The following RNF150 variants were observed in gnomAD, a reference collection of about 807,000 sequenced individuals.
RNF150 encodes the protein ring finger protein 150.
Under a neutral mutation model 39.3 loss-of-function variants are expected in RNF150, and 24 were observed. The ratio of observed to expected loss-of-function variants is 0.61; its 90% CI spans 0.44 to 0.86. The LOEUF is 0.86. RNF150 is among the 40% of genes least tolerant of loss of function. RNF150 has a pLI of 0.00. For missense variants in RNF150, 502 were observed against 587.8 expected, an observed-to-expected ratio of 0.85 and a Z score of 1.51; for synonymous variants, 255 against 227.3, an observed-to-expected ratio of 1.12 and a Z score of -1.10.
At chr4:141,071,611 A>T (rs1275964349) in intron 1 of RNF150, among the ~76,000 whole-genome samples, 3 of 152,126 alleles carry the variant, frequency 2.0e-5, no homozygotes, top group African/African-American at 7.2e-5. Flanking sequence ...ACAAATCTAA[A>T]TACGTGGTTT....
chr4:141,212,623 G>A (rs1335164869), intron 1 of RNF150, among the ~76,000 whole-genome samples: 1 of 152,110 alleles, frequency 6.6e-6, no homozygotes, highest in South Asian at 2.1e-4. Flanking sequence ...TCTACACTGA[G>A]GCTGTTGTTC....
chr4:141,070,518 CT>C (rs1737651587), intron 1 of RNF150, among the ~76,000 whole-genome samples: 1 of 148,548 alleles, frequency 6.7e-6, no homozygotes. Context: ...CTACAATGAA[CT>C]CAAACAAATT....
intron 5 of RNF150, among the ~76,000 whole-genome samples, chr4:140,925,221 C>T (rs1731344342): frequency 6.6e-6 from 1 of 152,192 alleles, no homozygotes; most frequent in Non-Finnish European, 1.5e-5. Context: ...TTCCTGCCCT[C>T]ATTGCTGAGA....
intron 6 of RNF150, among the ~76,000 whole-genome samples, chr4:140,875,583 A>G (rs1729124728): frequency 6.6e-6 from 1 of 152,152 alleles, no homozygotes; most frequent in Non-Finnish European, 1.5e-5. Context: ...ATAGCTACAT[A>G]TAGGCCTTTT....
At chr4:140,903,963 G>A (rs1462926287) in intron 6 of RNF150, among the ~76,000 whole-genome samples, 1 of 152,262 alleles carries the variant, frequency 6.6e-6, no homozygotes, top group African/African-American at 2.4e-5. Context: ...AGCCCTGGCA[G>A]TCTCGCTTTG....
At chr4:141,044,793 A>ACG (rs1736505723) in intron 1 of RNF150, among the ~76,000 whole-genome samples, 1 of 149,758 alleles carries the variant, frequency 6.7e-6, no homozygotes, top group Non-Finnish European at 1.5e-5. Flanking sequence ...GCACACACAC[A>ACG]CACACAATTC....
At chr4:140,965,552 A>G (rs535142757) in intron 2 of RNF150, among the ~76,000 whole-genome samples, 4 of 152,142 alleles carry the variant, frequency 2.6e-5, no homozygotes, top group Non-Finnish European at 4.4e-5. Flanking sequence ...ATACACACAT[A>G]CAATGGATTA....
At chr4:140,997,697 T>C (rs1427174925) in intron 1 of RNF150, among the ~76,000 whole-genome samples, 1 of 143,674 alleles carries the variant, frequency 7.0e-6, no homozygotes, top group African/African-American at 2.6e-5. Flanking sequence ...CCTGTGTGTG[T>C]ATATATACAC....
chr4:141,195,071 A>G (rs1325028793), intron 1 of RNF150, among the ~76,000 whole-genome samples: 1 of 151,530 alleles, frequency 6.6e-6, no homozygotes, highest in Non-Finnish European at 1.5e-5. Context: ...GCCTTTCTAC[A>G]CTTTCCCCTA....
intron 1 of RNF150, among the ~76,000 whole-genome samples, chr4:141,174,662 A>G (rs777290071): frequency 6.6e-6 from 1 of 152,112 alleles, no homozygotes; most frequent in Non-Finnish European, 1.5e-5. Flanking sequence ...GCAGACCACA[A>G]ACTGATAGAG....
chr4:141,005,992 C>T (rs187676987), intron 1 of RNF150, among the ~76,000 whole-genome samples: 8,891 of 131,894 alleles, frequency 0.067, 727 homozygotes, highest in Non-Finnish European at 0.1. Context: ...TGGCGTGAAC[C>T]CGGGAGGCGG....
intron 1 of RNF150, among the ~76,000 whole-genome samples, chr4:141,175,641 C>T (rs1242929692): frequency 1.3e-5 from 2 of 152,178 alleles, no homozygotes; most frequent in Non-Finnish European, 2.9e-5. Context: ...GCAAAGAGGT[C>T]ATGATTGATT....
chr4:140,946,192 G>A (rs1732303464), intron 4 of RNF150, among the ~76,000 whole-genome samples: 1 of 152,190 alleles, frequency 6.6e-6, no homozygotes, highest in African/African-American at 2.4e-5. Flanking sequence ...CCACCAGGAT[G>A]TACTTCCCTA....
chr4:141,086,652 T>C (rs998066020), intron 1 of RNF150, among the ~76,000 whole-genome samples: 1 of 151,884 alleles, frequency 6.6e-6, no homozygotes, highest in African/African-American at 2.4e-5. Context: ...AATATTTATT[T>C]AATGTTAATG....
intron 1 of RNF150, among the ~76,000 whole-genome samples, chr4:141,119,824 A>G (rs1002785713): frequency 3.3e-5 from 5 of 152,206 alleles, no homozygotes; most frequent in African/African-American, 1.2e-4. Context: ...AAGGGGTTAA[A>G]GTCAGGTTAG....
At chr4:140,974,710 T>A (rs149845012) in intron 1 of RNF150, among the ~76,000 whole-genome samples, 1 of 152,318 alleles carries the variant, frequency 6.6e-6, no homozygotes, top group East Asian at 1.9e-4. Flanking sequence ...TGTACAAAGG[T>A]ATTGCATTGT....
chr4:140,948,858 GA>G (rs1243143455), intron 3 of RNF150, among the ~76,000 whole-genome samples: 2 of 152,168 alleles, frequency 1.3e-5, no homozygotes, highest in Non-Finnish European at 2.9e-5. Context: ...AAAGATTCAT[GA>G]AAAAACTTTC....
At chr4:140,885,847 G>A (rs912791649) in intron 6 of RNF150, among the ~76,000 whole-genome samples, 11 of 152,044 alleles carry the variant, frequency 7.2e-5, no homozygotes, top group Admixed American at 5.2e-4. Flanking sequence ...CAAGGGATCC[G>A]CCTGCCTCAG....
chr4:140,999,065 C>T (rs1486137728), intron 1 of RNF150, among the ~76,000 whole-genome samples: 2 of 152,098 alleles, frequency 1.3e-5, no homozygotes, highest in East Asian at 3.9e-4. Context: ...CTGAGATTCT[C>T]AAAGTAGGGA....
Sources: allele counts gnomAD v4.1 joint callset (sites outside exome capture counted in the v4.1 genomes callset), GRCh38; gene constraint gnomAD v4.1.1; transcripts MANE v1.5; gene names NCBI Gene and HGNC (gene_info 2026-07-23, HGNC 2026-07-21).